The following INPP4B variants were observed in gnomAD, a reference collection of about 807,000 sequenced individuals.
The protein encoded by INPP4B is inositol polyphosphate-4-phosphatase type II B.
In INPP4B, 55 loss-of-function variants were observed where a neutral mutation model predicts 122.5. The ratio of observed to expected loss-of-function variants is 0.45; its 90% CI spans 0.36 to 0.56. The LOEUF (loss-of-function observed/expected upper bound fraction) is 0.56, where lower values mean the gene tolerates loss of function less well. Ranked by LOEUF, INPP4B falls within the 20% of genes least tolerant of loss-of-function variation. The probability of loss-of-function intolerance (pLI) is 0.00; values close to 1 mark genes in which losing one functional copy is unlikely to be tolerated. For missense variants in INPP4B, 1,000 were observed against 1,097.7 expected (o/e 0.91, Z 1.26); for synonymous variants, 403 against 388.7 (o/e 1.04, Z -0.43).
At chr4:142,813,582 A>G (rs896500582) in intron 1 of INPP4B, among the ~76,000 whole-genome samples, 4 of 152,208 alleles carry the variant, frequency 2.6e-5, no homozygotes, top group Non-Finnish European at 5.9e-5. Flanking sequence ...GTCACTGGCA[A>G]TAAAGCAATA....
intron 12 of INPP4B, among the ~76,000 whole-genome samples, chr4:142,225,746 G>A (rs1851269518): frequency 6.6e-6 from 1 of 151,988 alleles, no homozygotes; most frequent in Admixed American, 6.6e-5. Context: ...ATATGACATA[G>A]ATCAAATTAA....
intron 9 of INPP4B, chr4:142,287,696 T>C (rs1754422169): frequency 6.6e-6 from 1 of 152,152 alleles, no homozygotes; most frequent in South Asian, 2.1e-4. Flanking sequence ...TTTAAAATCA[T>C]AATTATTAGC....
At chr4:142,426,798 C>T (rs752099705) in intron 5 of INPP4B, 1 of 151,890 alleles carries the variant, frequency 6.6e-6, no homozygotes. Context: ...ATTGGTGTGG[C>T]TGTTTTCCTA....
chr4:142,367,993 G>A (rs976386907), intron 7 of INPP4B, among the ~76,000 whole-genome samples: 2 of 152,022 alleles, frequency 1.3e-5, no homozygotes, highest in Non-Finnish European at 2.9e-5. Flanking sequence ...CTGTCCCTCC[G>A]TATTAAGAAA....
At chr4:142,242,818 C>T (rs148594216) in intron 11 of INPP4B, among the ~76,000 whole-genome samples, 3 of 152,172 alleles carry the variant, frequency 2.0e-5, no homozygotes, top group African/African-American at 4.8e-5. Flanking sequence ...TGGTTCTTAC[C>T]AACTGTACTA....
At chr4:142,377,858 C>G (rs1364785915) in intron 7 of INPP4B, among the ~76,000 whole-genome samples, 5 of 152,088 alleles carry the variant, frequency 3.3e-5, no homozygotes, top group Admixed American at 3.3e-4. Context: ...AGCATAAGCT[C>G]TGCACCCAGC....
At chr4:142,183,043 G>C (rs372157959) in intron 15 of INPP4B, among the ~76,000 whole-genome samples, 1 of 152,134 alleles carries the variant, frequency 6.6e-6, no homozygotes, top group Non-Finnish European at 1.5e-5. Flanking sequence ...TTTGGTCCTT[G>C]CTCCCTGCCC....
chr4:142,743,608 C>T (rs1350119795), intron 1 of INPP4B, among the ~76,000 whole-genome samples: 4 of 151,918 alleles, frequency 2.6e-5, no homozygotes, highest in African/African-American at 4.8e-5. Flanking sequence ...TTAATGCAGT[C>T]TAATACCCCA....
intron 2 of INPP4B, among the ~76,000 whole-genome samples, chr4:142,634,421 G>A (rs1481375342): frequency 6.6e-6 from 1 of 152,074 alleles, no homozygotes; most frequent in Non-Finnish European, 1.5e-5. Context: ...GATCATAGAT[G>A]CAAAAAATAC....
At chr4:142,802,884 A>G (rs1488885914) in intron 1 of INPP4B, among the ~76,000 whole-genome samples, 1 of 151,978 alleles carries the variant, frequency 6.6e-6, no homozygotes, top group Non-Finnish European at 1.5e-5. Context: ...GAAATGAAAC[A>G]TCAGGCTGGG....
At chr4:142,773,409 C>A (rs1773384171) in intron 1 of INPP4B, among the ~76,000 whole-genome samples, 1 of 152,052 alleles carries the variant, frequency 6.6e-6, no homozygotes, top group African/African-American at 2.4e-5. Flanking sequence ...TTTAAAGTGG[C>A]AGAACTGTCT....
intron 12 of INPP4B, among the ~76,000 whole-genome samples, chr4:142,227,650 C>T (rs916102566): frequency 2.6e-5 from 4 of 151,346 alleles, no homozygotes; most frequent in Admixed American, 6.6e-5. Flanking sequence ...CACTTGAGGT[C>T]GGGAGTTTGA....
chr4:142,753,510 A>C (rs898829653), intron 1 of INPP4B, among the ~76,000 whole-genome samples: 3 of 152,002 alleles, frequency 2.0e-5, no homozygotes, highest in Admixed American at 6.6e-5. Context: ...GCCCAGGAGA[A>C]TCTCTCAAAA....
chr4:142,047,775 A>C (rs1274015671), intron 25 of INPP4B, among the ~76,000 whole-genome samples: 2 of 152,012 alleles, frequency 1.3e-5, no homozygotes, highest in East Asian at 3.9e-4. Context: ...AGACAAAGAA[A>C]GATAGCACAG....
intron 14 of INPP4B, among the ~76,000 whole-genome samples, chr4:142,204,106 A>C (rs1043463011): frequency 1.3e-5 from 2 of 152,128 alleles, no homozygotes; most frequent in African/African-American, 4.8e-5. Context: ...AGAGAGGTCA[A>C]ATAACATGGT....
intron 7 of INPP4B, among the ~76,000 whole-genome samples, chr4:142,396,199 C>T (rs1258908318): frequency 6.6e-6 from 1 of 152,052 alleles, no homozygotes. Context: ...CTAATAAACC[C>T]TCTAACACTT....
At chr4:142,310,158 C>T (rs1468113442) in intron 8 of INPP4B, among the ~76,000 whole-genome samples, 1 of 151,772 alleles carries the variant, frequency 6.6e-6, no homozygotes, top group Non-Finnish European at 1.5e-5. Flanking sequence ...TTTGCATGGA[C>T]CTCCTCAAAT....
chr4:142,451,174 G>A (rs1171666569), intron 3 of INPP4B, among the ~76,000 whole-genome samples: 2 of 149,134 alleles, frequency 1.3e-5, no homozygotes, highest in Non-Finnish European at 3.0e-5. Flanking sequence ...GGACAAGCCA[G>A]AACAAAAACA....
chr4:142,207,688 G>A (rs567660755), intron 14 of INPP4B, among the ~76,000 whole-genome samples: 2 of 152,130 alleles, frequency 1.3e-5, no homozygotes, highest in Non-Finnish European at 2.9e-5. Flanking sequence ...ATGGAGGACA[G>A]GGACATAATC....
Sources: allele counts gnomAD v4.1 joint callset (sites outside exome capture counted in the v4.1 genomes callset), GRCh38; gene constraint gnomAD v4.1.1; transcripts MANE v1.5; gene names NCBI Gene and HGNC (gene_info 2026-07-23, HGNC 2026-07-21).